Variants in MLIP observed in about 807,000 individuals in gnomAD.
MLIP encodes muscular LMNA interacting protein.
Under a neutral mutation model 84.8 loss-of-function variants are expected in MLIP, and 79 were observed. That is an observed-to-expected ratio of 0.93 (90% CI 0.78 to 1.12). The LOEUF (loss-of-function observed/expected upper bound fraction) is 1.12. Ranked by LOEUF, MLIP falls within the 50% of genes most tolerant of loss-of-function variation. The probability of loss-of-function intolerance (pLI) is 0.00; values close to 1 mark genes in which losing one functional copy is unlikely to be tolerated. For missense variants in MLIP, 1,257 were observed against 1,160.6 expected, an observed-to-expected ratio of 1.08 and a Z score of -1.21; for synonymous variants, 504 against 463.0, an observed-to-expected ratio of 1.09 and a Z score of -1.14.
rs939680881 is a variant in MLIP, at chr6:54,137,097, C to T, written c.1028C>T (p.Pro343Leu). 2 of 1,536,014 alleles carry T rather than the reference C, an allele frequency of 1.3e-6. No homozygotes were observed. Among genetic ancestry groups the T allele is most frequent in the South Asian group, 1.2e-5 (1 of 84,052 alleles). The change falls in exon 4 of 14, where the codon CCG becomes CTG. Residue 343 changes from proline (P) to leucine (L), a missense_variant. Transcript: ENST00000502396. ...CATGTCCTTAGTCACGGAGAAAGTC[C>T]GAGAACCTCTTCTTCTCCACCGTCC... ...TSHVLSHGES[P>L]RTSSSPPSSS...
At chr6:54,220,398 T>C (rs1373320836) in intron 11 of MLIP, among the ~76,000 whole-genome samples, 1 of 152,162 alleles carries the variant, frequency 6.6e-6, no homozygotes, top group Admixed American at 6.5e-5. Context: ...AAATTCTCTT[T>C]TGAAGAATCT....
intron 11 of MLIP, chr6:54,215,378 A>G: frequency 1.5e-6 from 2 of 1,299,744 alleles, no homozygotes; most frequent in Non-Finnish European, 2.0e-6. Context: ...GGGGCTACTA[A>G]TCACCATTTC....
intron 9 of MLIP, among the ~76,000 whole-genome samples, chr6:54,173,154 C>T (rs934548270): frequency 1.3e-5 from 2 of 151,514 alleles, no homozygotes; most frequent in African/African-American, 4.8e-5. Flanking sequence ...GGTGGGTATT[C>T]TTATTTTAAA....
intron 5 of MLIP, among the ~76,000 whole-genome samples, chr6:54,153,107 TAAGAG>T (rs374460454): frequency 9.4e-4 from 143 of 152,234 alleles, no homozygotes; most frequent in Middle Eastern, 6.8e-3. Context: ...AGTGTGTACT[TAAGAG>T]AAGAATTCTG....
chr6:54,076,978 C>T (rs1766843280), intron 1 of MLIP, among the ~76,000 whole-genome samples: 2 of 152,086 alleles, frequency 1.3e-5, no homozygotes, highest in South Asian at 4.2e-4. Flanking sequence ...TTGCTCTAGT[C>T]CAGGAGCAAA....
Position 54,137,709 on chromosome 6 carries a change from C to G in MLIP, c.1640C>G (p.Ser547Cys). 6.5e-7 allele frequency: 1 copy of G among 1,536,088 alleles called. No individual in the cohort carries two copies. Among genetic ancestry groups the G allele is most frequent in the Non-Finnish European group, 8.7e-7 (1 of 1,146,890 alleles). Reference sequence around the variant, plus strand: ...CTGCTACAAACCAGTACATCCAGTTCTGTGGGTCTTCCTCCTGTTCCACCA... The same window carrying G: ...CTGCTACAAACCAGTACATCCAGTTGTGTGGGTCTTCCTCCTGTTCCACCA... ...LSLLQTSTSS[S>C]VGLPPVPPSS... The change falls in exon 4 of 14, where the codon TCT becomes TGT. Residue 547 changes from serine (S) to cysteine (C), a missense_variant. Coordinates refer to ENST00000502396, the MANE Select transcript of MLIP (RefSeq NM_001281747.2).
intron 1 of MLIP, chr6:54,059,027 A>G (rs1029197954): frequency 6.6e-6 from 1 of 152,208 alleles, no homozygotes; most frequent in African/African-American, 2.4e-5. Flanking sequence ...CAAGTCTATA[A>G]GGCAGATATG....
At chr6:54,192,447 CAT>C (rs1778010457) in intron 10 of MLIP, among the ~76,000 whole-genome samples, 1 of 151,876 alleles carries the variant, frequency 6.6e-6, no homozygotes, top group Admixed American at 6.6e-5. Context: ...TATTATAGGA[CAT>C]GTACTTCACT....
Position 54,121,539 on chromosome 6 carries a change from C to T in MLIP, c.189C>T (p.Thr63=). 1 of 1,613,892 alleles carries T rather than the reference C, an allele frequency of 6.2e-7. No homozygotes were observed. Among genetic ancestry groups the T allele is most frequent in the Non-Finnish European group, 8.5e-7 (1 of 1,179,824 alleles). Residue 63 remains threonine (T), a synonymous_variant, in exon 2 of 14, where the codon ACC becomes ACT. Coordinates refer to ENST00000502396, the MANE Select transcript of MLIP (RefSeq NM_001281747.2). ...CAACCCATACTCAGTTGGCTGACACCTCTAAATTCCTTGTTAAAATTCCAG... is the reference window on the plus strand; with the variant it reads ...CAACCCATACTCAGTTGGCTGACACTTCTAAATTCCTTGTTAAAATTCCAG... The part of the protein sequence containing the change: ...RLPTHTQLAD[T]SKFLVKIPEE...
chr6:54,158,476 G>A (rs1774276534), intron 5 of MLIP, among the ~76,000 whole-genome samples: 1 of 151,962 alleles, frequency 6.6e-6, no homozygotes, highest in African/African-American at 2.4e-5. Flanking sequence ...CAGAACCCAT[G>A]GCATATATTT....
Position 54,249,746 on chromosome 6 carries a change from T to TATATATACAC in MLIP, c.2923-7561_2923-7560insTATATACACA, listed in dbSNP as rs71724053. The stretch of plus-strand genomic sequence containing the variant: ...ACACACACACACACATATATATATA[T>TATATATACAC]ACACACACACATATATATACACATG... On this transcript the variant is annotated intron_variant, in intron 12 of 13. Coordinates refer to ENST00000502396, the MANE Select transcript of MLIP (RefSeq NM_001281747.2). Among the ~76,000 whole-genome samples, 654 of 150,398 alleles carry TATATATACAC rather than the reference T, an allele frequency of 4.3e-3. 8 individuals carry two copies. The highest frequency in any genetic ancestry group is 0.015 in the African/African-American group (621 of 40,476).
chr6:54,047,338 T>G (rs1765120933), intron 1 of MLIP: 1 of 152,158 alleles, frequency 6.6e-6, no homozygotes, highest in Non-Finnish European at 1.5e-5. Context: ...AGGAGCAAGT[T>G]GTATGGATAT....
At chr6:54,122,205 AT>A (rs1305536646) in intron 2 of MLIP, among the ~76,000 whole-genome samples, 1 of 152,130 alleles carries the variant, frequency 6.6e-6, no homozygotes, top group Non-Finnish European at 1.5e-5. Context: ...AAAATAAAAA[AT>A]GCCTAATATC....
chr6:54,188,613 A>C (rs1187179058), intron 9 of MLIP, among the ~76,000 whole-genome samples: 1 of 152,198 alleles, frequency 6.6e-6, no homozygotes. Flanking sequence ...CCTGTCATAC[A>C]TGAGGTCCAT....
At chr6:54,041,296 G>C (rs1360986307) in intron 1 of MLIP, among the ~76,000 whole-genome samples, 1 of 152,004 alleles carries the variant, frequency 6.6e-6, no homozygotes, top group Admixed American at 6.6e-5. Context: ...TTGTATCGGT[G>C]TTCCACAGTT....
At position 54,230,877 on chromosome 6, in the gene MLIP, A is replaced by G. The variant is rs1780951342; in HGVS notation, c.2882A>G (p.Glu961Gly). The G allele has an allele frequency of 6.2e-7, 1 of 1,614,034 alleles. No homozygotes were observed. Among genetic ancestry groups the G allele is most frequent in the East Asian group, 2.2e-5 (1 of 44,862 alleles). Reference sequence around the variant, plus strand: ...TCCTTCTCCTTGAGTGATGAACAGGAGAATTCTCACACCCTCCTCAGTCAC... The same window carrying G: ...TCCTTCTCCTTGAGTGATGAACAGGGGAATTCTCACACCCTCCTCAGTCAC... ...HLSFSLSDEQ[E>G]NSHTLLSHNA... Residue 961 changes from glutamate to glycine, a missense_variant, in exon 12 of 14, where the codon GAG becomes GGG. Glu to Gly is a moderately conservative substitution (Grantham distance 98). Transcript: ENST00000502396.
chr6:54,129,704 C>T (rs1166126606), intron 3 of MLIP, among the ~76,000 whole-genome samples: 1 of 152,078 alleles, frequency 6.6e-6, no homozygotes, highest in African/African-American at 2.4e-5. Context: ...CTTGGAATGC[C>T]AAAGTACTTG....
intron 10 of MLIP, among the ~76,000 whole-genome samples, chr6:54,200,400 G>C (rs1435198788): frequency 6.6e-6 from 1 of 151,710 alleles, no homozygotes; most frequent in Non-Finnish European, 1.5e-5. Context: ...CCGAGTCCTG[G>C]AGTTGCATTT....
At chr6:54,052,210 G>C (rs965147271) in intron 1 of MLIP, among the ~76,000 whole-genome samples, 1 of 152,138 alleles carries the variant, frequency 6.6e-6, no homozygotes, top group African/African-American at 2.4e-5. Flanking sequence ...GGGTCCCAGA[G>C]AAGAAATATA....
Sources: allele counts gnomAD v4.1 joint callset (sites outside exome capture counted in the v4.1 genomes callset), GRCh38; gene constraint gnomAD v4.1.1; transcripts MANE v1.5; gene names NCBI Gene and HGNC (gene_info 2026-07-23, HGNC 2026-07-21).